The following HECW1 variants were observed in gnomAD, a reference collection of about 807,000 sequenced individuals.
The protein encoded by HECW1 is E3 ubiquitin-protein ligase HECW1.
HECW1 carries 61 observed loss-of-function variants against 182.3 expected under a neutral mutation model. The observed-to-expected ratio is 0.33, with a 90% CI of 0.27 to 0.41. HECW1 has a LOEUF of 0.41. HECW1 is among the 10% of genes least tolerant of loss of function. HECW1 has a pLI of 1.00. For synonymous variants in HECW1, 859 were observed against 832.6 expected, an observed-to-expected ratio of 1.03 and a Z score of -0.55; for missense variants, 1,739 against 2,108.9, an observed-to-expected ratio of 0.82 and a Z score of 3.44.
intron 2 of HECW1, among the ~76,000 whole-genome samples, chr7:43,144,769 A>G (rs1788520871): frequency 6.6e-6 from 1 of 152,130 alleles, no homozygotes; most frequent in South Asian, 2.1e-4. Context: ...TTTTAGTCCT[A>G]GATCAGCCAT....
rs142722046 is a variant in HECW1 at position 43,352,359 on chromosome 7, C to G, written c.461-8527C>G. On this transcript the variant is annotated intron_variant, in intron 5 of 29. Transcript: ENST00000395891. ...ATTCATTCTTTGTTTATCTGAAATT[C>G]AATTTTAACTGGGTGTCCTGTATTT... is the stretch of plus-strand genomic sequence containing the variant. 7.6e-3 allele frequency among the ~76,000 whole-genome samples: 1,162 copies of G among 152,222 alleles called. 17 individuals are homozygous for G. Among genetic ancestry groups the G allele is most frequent in the African/African-American group, 0.027 (1,102 of 41,518 alleles).
At chr7:43,207,065 G>C (rs1052361979) in intron 2 of HECW1, among the ~76,000 whole-genome samples, 4 of 151,596 alleles carry the variant, frequency 2.6e-5, no homozygotes, top group African/African-American at 9.7e-5. Context: ...TTTTATTTTT[G>C]AGGCAGAGTC....
intron 4 of HECW1, among the ~76,000 whole-genome samples, chr7:43,319,115 C>T (rs1167887892): frequency 3.9e-5 from 6 of 152,154 alleles, no homozygotes; most frequent in South Asian, 2.1e-4. Flanking sequence ...GGGCCGGGCG[C>T]GGTGGCTCAC....
At chr7:43,514,401 G>T (rs896582956) in intron 24 of HECW1, among the ~76,000 whole-genome samples, 1 of 149,684 alleles carries the variant, frequency 6.7e-6, no homozygotes, top group Non-Finnish European at 1.5e-5. Flanking sequence ...CAAGTCTCCT[G>T]CCTCAGCCTC....
chr7:43,237,140 A>AGTAGGTAGGTAGGTAGGTAGGTAG (rs71008898), intron 2 of HECW1, among the ~76,000 whole-genome samples: 1 of 133,854 alleles, frequency 7.5e-6, no homozygotes, highest in African/African-American at 2.6e-5. Context: ...GAAGGAAGGA[A>AGTAGGTAGGTAGGTAGGTAGGTAG]GTAGGTAGGT....
chr7:43,114,292 C>G lies in HECW1; in HGVS notation c.-131C>G. 7.3e-7 allele frequency: 1 copy of G among 1,363,560 alleles called. No individual in the cohort carries two copies. Among genetic ancestry groups the G allele is most frequent in the Non-Finnish European group, 9.7e-7 (1 of 1,034,404 alleles). The allele number at this position is 1,363,560 out of a possible 1,614,324, so 84.5% of individuals were successfully genotyped here. On this transcript the variant is annotated 5_prime_UTR_variant, in exon 2 of 30. Transcript: ENST00000395891. ...AGATGCCCTACCCGAAAAGGCCAACCGTTAAAGACCCCGGCAGTGTTGTGG... is the reference window on the plus strand; with the variant it reads ...AGATGCCCTACCCGAAAAGGCCAACGGTTAAAGACCCCGGCAGTGTTGTGG...
intron 2 of HECW1, among the ~76,000 whole-genome samples, chr7:43,202,220 A>G (rs1213576437): frequency 6.6e-6 from 1 of 152,206 alleles, no homozygotes; most frequent in Non-Finnish European, 1.5e-5. Flanking sequence ...AGAGTCTTGT[A>G]CTAGAGTCTG....
intron 2 of HECW1, among the ~76,000 whole-genome samples, chr7:43,233,003 A>G (rs1798014796): frequency 6.6e-6 from 1 of 152,172 alleles, no homozygotes; most frequent in Non-Finnish European, 1.5e-5. Context: ...AGTTGTGGAG[A>G]TGAGTGCCCC....
intron 5 of HECW1, among the ~76,000 whole-genome samples, chr7:43,322,136 C>T (rs1186593988): frequency 1.3e-5 from 2 of 152,198 alleles, no homozygotes; most frequent in East Asian, 3.9e-4. Context: ...ATGGCACAAT[C>T]TCGGCTCACT....
At chr7:43,320,415 CCAG>C (rs1809950552) in intron 4 of HECW1, among the ~76,000 whole-genome samples, 1 of 152,164 alleles carries the variant, frequency 6.6e-6, no homozygotes. Flanking sequence ...TGATCTCCTG[CCAG>C]CAGTGCTATG....
At chr7:43,377,439 A>G (rs1034345467) in intron 6 of HECW1, among the ~76,000 whole-genome samples, 20 of 152,100 alleles carry the variant, frequency 1.3e-4, no homozygotes, top group Admixed American at 9.8e-4. Context: ...CCTCACAATA[A>G]TTAATCTCAG....
chr7:43,488,434 G>GAA (rs1554440499), intron 17 of HECW1, among the ~76,000 whole-genome samples: 9,495 of 93,082 alleles, frequency 0.1, 906 homozygotes, highest in Middle Eastern at 0.15. Context: ...AAGAAAGAAA[G>GAA]AGAAAGAAAG....
At chr7:43,307,865 T>C (rs1231722735) in intron 3 of HECW1, among the ~76,000 whole-genome samples, 4 of 124,752 alleles carry the variant, frequency 3.2e-5, no homozygotes, top group Non-Finnish European at 6.4e-5. Flanking sequence ...TTGATTGTGG[T>C]AATCATTTCA....
chr7:43,170,712 G>C (rs891691646), intron 2 of HECW1, among the ~76,000 whole-genome samples: 1 of 152,180 alleles, frequency 6.6e-6, no homozygotes, highest in African/African-American at 2.4e-5. Flanking sequence ...GGATGGGTTG[G>C]GAAGTGAGAG....
intron 6 of HECW1, among the ~76,000 whole-genome samples, chr7:43,383,072 G>T (rs2074621717): frequency 6.6e-6 from 1 of 152,154 alleles, no homozygotes; most frequent in African/African-American, 2.4e-5. Flanking sequence ...GAGAACAATG[G>T]CTTCTGGCTT....
chr7:43,185,477 T>C (rs1793312023), intron 2 of HECW1, among the ~76,000 whole-genome samples: 1 of 152,222 alleles, frequency 6.6e-6, no homozygotes, highest in African/African-American at 2.4e-5. Flanking sequence ...CTTGTGGGAC[T>C]GAGCCGTCAA....
chr7:43,545,173 A>C (rs1186843897), intron 26 of HECW1, among the ~76,000 whole-genome samples: 2 of 152,228 alleles, frequency 1.3e-5, no homozygotes, highest in Non-Finnish European at 2.9e-5. Flanking sequence ...AGTAGAGATG[A>C]CTGTCTCCAG....
chr7:43,149,271 G>A (rs910081388), intron 2 of HECW1, among the ~76,000 whole-genome samples: 22 of 152,064 alleles, frequency 1.4e-4, no homozygotes, highest in Admixed American at 1.2e-3. Flanking sequence ...TTGACATATC[G>A]ATATCACCTC....
At chr7:43,346,991 ATATGAATTTTAGAAT>A in intron 5 of HECW1, among the ~76,000 whole-genome samples, 2 of 152,286 alleles carry the variant, frequency 1.3e-5, no homozygotes, top group East Asian at 3.9e-4. Flanking sequence ...TTCTGGTTCC[ATATGAATTTTAGAAT>A]TGTGTCTTCT....
Sources: allele counts gnomAD v4.1 joint callset (sites outside exome capture counted in the v4.1 genomes callset), GRCh38; gene constraint gnomAD v4.1.1; transcripts MANE v1.5; gene names NCBI Gene and HGNC (gene_info 2026-07-23, HGNC 2026-07-21).